Variants in AGAP1 observed in about 807,000 individuals in gnomAD.
AGAP1 encodes ArfGAP with GTPase domain, ankyrin repeat and PH domain 1, also known as arf-GAP with GTPase, ANK repeat and PH domain-containing protein 1.
In AGAP1, 29 loss-of-function variants were observed where a neutral mutation model predicts 105.3. The ratio of observed to expected loss-of-function variants is 0.28; its 90% CI spans 0.21 to 0.38. The LOEUF (loss-of-function observed/expected upper bound fraction) is 0.38. AGAP1 is among the 10% of genes least tolerant of loss of function. The probability of loss-of-function intolerance (pLI) is 1.00; values close to 1 mark genes in which losing one functional copy is unlikely to be tolerated. For synonymous variants in AGAP1, 509 were observed against 485.9 expected, an observed-to-expected ratio of 1.05 and a Z score of -0.63; for missense variants, 998 against 1,165.1, an observed-to-expected ratio of 0.86 and a Z score of 2.09.
rs1490373489 is a variant in AGAP1, at chr2:235,936,349, T to G, written c.1483+5426T>G. 6.6e-6 allele frequency among the ~76,000 whole-genome samples: 1 copy of G among 152,206 alleles called. No homozygotes were observed. The highest frequency in any genetic ancestry group is 1.5e-5 in the Non-Finnish European group (1 of 68,036). On this transcript the variant is annotated intron_variant, in intron 12 of 17. Transcript: ENST00000304032. The surrounding 1 kb of genome is among the most constrained non-coding windows in gnomAD (Gnocchi z 4.7). ...TGGTCCCTGTTTCCTTCTGGCCACG[T>G]AATCATTATATCTTTCCAGTAGACT...
chr2:235,784,828 C>T (rs528238825), intron 6 of AGAP1, among the ~76,000 whole-genome samples: 1 of 152,070 alleles, frequency 6.6e-6, no homozygotes, highest in African/African-American at 2.4e-5. Flanking sequence ...AGGAACTTCA[C>T]GTATCAGAAA....
Position 235,598,180 on chromosome 2 carries a change from G to A in AGAP1, c.163+103331G>A, listed in dbSNP as rs1216245170. Among the ~76,000 whole-genome samples, 5 of 152,070 alleles carry A rather than the reference G, an allele frequency of 3.3e-5. No homozygotes were observed. The South Asian group carries it at 1.0e-3, about 32-fold the overall frequency. ...CAAAGCTGTGCACATTAGGTGACTG[G>A]CGTGTCTACAGCATCCCAGTCTGAG... On this transcript the variant is annotated intron_variant, in intron 1 of 17. Transcript: ENST00000304032.
At chr2:235,771,947 A>G (rs565573277) in intron 6 of AGAP1, among the ~76,000 whole-genome samples, 1 of 151,224 alleles carries the variant, frequency 6.6e-6, no homozygotes, top group African/African-American at 2.4e-5. Context: ...AAGTAAATGC[A>G]ATGTTCCGGA....
chr2:235,770,133 C>CTTTTTTTTTTTT (rs57008190), intron 6 of AGAP1, among the ~76,000 whole-genome samples: 2,795 of 135,930 alleles, frequency 0.021, 127 homozygotes, highest in Non-Finnish European at 0.03. Flanking sequence ...TTCTTTGTTT[C>CTTTTTTTTTTTT]TTTTTTTTTT....
intron 1 of AGAP1, among the ~76,000 whole-genome samples, chr2:235,519,892 C>T (rs1169769180): frequency 1.3e-5 from 2 of 152,138 alleles, no homozygotes; most frequent in African/African-American, 2.4e-5. Flanking sequence ...AAGCGATTCT[C>T]CTGCCTCAGC....
At chr2:235,572,001 CACT>C (rs1332279857) in intron 1 of AGAP1, among the ~76,000 whole-genome samples, 133 of 118,912 alleles carry the variant, frequency 1.1e-3, no homozygotes, top group African/African-American at 2.7e-3. Flanking sequence ...CACACACACA[CACT>C]TTTTTTTTTT....
At chr2:235,617,372 G>C (rs996917786) in intron 1 of AGAP1, among the ~76,000 whole-genome samples, 2 of 152,202 alleles carry the variant, frequency 1.3e-5, no homozygotes, top group African/African-American at 4.8e-5. Context: ...CCCCAAATCA[G>C]CAGTGTGCTT....
Position 236,002,377 on chromosome 2 carries a change from C to T in AGAP1, c.1645+33754C>T, listed in dbSNP as rs886123721. On this transcript the variant is annotated intron_variant, in intron 13 of 17. Transcript: ENST00000304032. This position sits in a 1 kb window ranked among gnomAD's most constrained non-coding sequence, Gnocchi z 4.3. ...AATGACTTTCCTTCTTCCCTCATCC[C>T]CTTTCCCATCCTCACTCTCTTCCAA... Among the ~76,000 whole-genome samples the T allele has an allele frequency of 1.3e-5, 2 of 152,184 alleles. No individual in the cohort carries two copies. Among genetic ancestry groups the T allele is most frequent in the African/African-American group, 4.8e-5 (2 of 41,452 alleles).
chr2:235,790,890 A>G (rs1008180213), intron 6 of AGAP1, among the ~76,000 whole-genome samples: 1 of 152,168 alleles, frequency 6.6e-6, no homozygotes, highest in African/African-American at 2.4e-5. Flanking sequence ...TCTTTAGTAG[A>G]CGGCACAGTT....
intron 8 of AGAP1, among the ~76,000 whole-genome samples, chr2:235,800,117 T>C (rs1194823211): frequency 6.6e-6 from 1 of 151,632 alleles, no homozygotes; most frequent in East Asian, 1.9e-4. Flanking sequence ...TTTTTTTTTT[T>C]TTCTTTTGAG....
intron 5 of AGAP1, among the ~76,000 whole-genome samples, chr2:235,746,948 C>T (rs1953001203): frequency 6.6e-6 from 1 of 152,036 alleles, no homozygotes; most frequent in South Asian, 2.1e-4. Context: ...GTCTGAGATC[C>T]CGGGAGTTGG....
chr2:235,762,782 A>G, intron 6 of AGAP1, among the ~76,000 whole-genome samples: 1 of 152,274 alleles, frequency 6.6e-6, no homozygotes, highest in East Asian at 1.9e-4. Flanking sequence ...CTAAGGCAGG[A>G]GAATTGCTTG....
At chr2:236,019,055 A>G (rs1303609676) in intron 13 of AGAP1, among the ~76,000 whole-genome samples, 1 of 152,214 alleles carries the variant, frequency 6.6e-6, no homozygotes, top group Non-Finnish European at 1.5e-5. Flanking sequence ...AGCAGATGTG[A>G]GCAGGCCTAA....
At position 235,788,790 on chromosome 2, in the gene AGAP1, A is replaced by G. The variant is rs1368150543; in HGVS notation, c.674-8969A>G. 6.6e-6 allele frequency among the ~76,000 whole-genome samples: 1 copy of G among 152,170 alleles called. No individual in the cohort carries two copies. The highest frequency in any genetic ancestry group is 1.5e-5 in the Non-Finnish European group (1 of 68,026). ...CAGAATGGAGCCCTCAGAAGCGCGCATTCAGACCGGCAGTAGACAAAACCA... is the reference window on the plus strand; with the variant it reads ...CAGAATGGAGCCCTCAGAAGCGCGCGTTCAGACCGGCAGTAGACAAAACCA... On this transcript the variant is annotated intron_variant, in intron 6 of 17. Coordinates refer to ENST00000304032, the MANE Select transcript of AGAP1 (RefSeq NM_001037131.3). This position sits in a 1 kb window ranked among gnomAD's most constrained non-coding sequence, Gnocchi z 6.0.
intron 3 of AGAP1, among the ~76,000 whole-genome samples, chr2:235,738,521 A>G (rs1045919137): frequency 5.3e-5 from 8 of 151,810 alleles, no homozygotes; most frequent in African/African-American, 1.5e-4. Context: ...AAAGAGGAAC[A>G]GATTTCCTTT....
chr2:235,933,801 G>C (rs976806344), intron 12 of AGAP1, among the ~76,000 whole-genome samples: 8 of 152,140 alleles, frequency 5.3e-5, no homozygotes, highest in African/African-American at 1.9e-4. Flanking sequence ...AAAGTGCTGG[G>C]ATTACAGGCA....
chr2:235,907,099 C>T (rs2051343084), intron 10 of AGAP1, among the ~76,000 whole-genome samples: 1 of 152,234 alleles, frequency 6.6e-6, no homozygotes, highest in South Asian at 2.1e-4. Flanking sequence ...TGCTACCCTA[C>T]CCTGTGTCCC....
intron 9 of AGAP1, among the ~76,000 whole-genome samples, chr2:235,836,641 G>C (rs1300542283): frequency 6.6e-6 from 1 of 152,106 alleles, no homozygotes; most frequent in Non-Finnish European, 1.5e-5. Flanking sequence ...GTGTTGATCT[G>C]TGTCATGCTT....
chr2:235,954,007 A>T (rs1205168926), intron 12 of AGAP1, among the ~76,000 whole-genome samples: 1 of 152,144 alleles, frequency 6.6e-6, no homozygotes, highest in Non-Finnish European at 1.5e-5. Flanking sequence ...AGGCAGGCAG[A>T]TCACCTGAGG....
Sources: allele counts gnomAD v4.1 joint callset (sites outside exome capture counted in the v4.1 genomes callset), GRCh38; gene constraint gnomAD v4.1.1; non-coding constraint Gnocchi (gnomAD v3.1); transcripts MANE v1.5; gene names NCBI Gene and HGNC (gene_info 2026-07-23, HGNC 2026-07-21).